Variants in RET observed in about 807,000 individuals in gnomAD.
The protein encoded by RET is ret proto-oncogene.
Under a neutral mutation model 118.3 loss-of-function variants are expected in RET, and 19 were observed. The ratio of observed to expected loss-of-function variants is 0.16; its 90% CI spans 0.11 to 0.24. The LOEUF is 0.24. Among genes scored for constraint, RET ranks in the 10% least tolerant of loss-of-function variants. The pLI is 1.00. For synonymous variants in RET, 597 were observed against 644.1 expected, an observed-to-expected ratio of 0.93 and a Z score of 1.11; for missense variants, 1,219 against 1,502.1, an observed-to-expected ratio of 0.81 and a Z score of 3.12.
chr10:43,124,693 G>A (rs1838291353), intron 17 of RET, among the ~76,000 whole-genome samples, 190 bp from the exon 18 acceptor site: 1 of 152,204 alleles, frequency 6.6e-6, no homozygotes, highest in Admixed American at 6.5e-5. Context: ...CCACGGGCTG[G>A]GATCCTGCAA....
rs1838407240 is a variant in RET at position 43,129,690 on chromosome 10, G to T, written c.*1421G>T. ...CTTAAAATAGTCTCATTCAAATACT[G>T]TATTTTATATAGGCATTTCACAAAA... On this transcript the variant is annotated 3_prime_UTR_variant, in exon 20 of 20. Coordinates refer to ENST00000355710, the MANE Select transcript of RET (RefSeq NM_020975.6). 6.0e-6 allele frequency: 2 copies of T among 335,996 alleles called. No homozygotes were observed. The highest frequency in any genetic ancestry group is 1.1e-5 in the Non-Finnish European group (2 of 187,264). The allele number at this position is 335,996 out of a possible 1,614,324, so 20.8% of individuals were successfully genotyped here.
chr10:43,095,817 C>T (rs1837511378), intron 1 of RET, among the ~76,000 whole-genome samples: 1 of 152,222 alleles, frequency 6.6e-6, no homozygotes, highest in East Asian at 1.9e-4. Flanking sequence ...TGAGCAGCAA[C>T]TTGGGTCTTT....
chr10:43,091,822 C>CAAAA (rs60545334), intron 1 of RET, among the ~76,000 whole-genome samples: 15 of 114,550 alleles, frequency 1.3e-4, no homozygotes, highest in East Asian at 5.2e-4. Context: ...TGTCTACTAT[C>CAAAA]AAAAAAAAAA....
At chr10:43,093,526 A>G (rs1564487036) in intron 1 of RET, among the ~76,000 whole-genome samples, 1 of 152,236 alleles carries the variant, frequency 6.6e-6, no homozygotes, top group Non-Finnish European at 1.5e-5. Context: ...GCACACCAGC[A>G]TAGAGACAGG....
intron 1 of RET, 98 bp from the exon 2 acceptor site, chr10:43,100,361 T>C (rs886310294): frequency 8.6e-6 from 12 of 1,392,176 alleles, no homozygotes; most frequent in Non-Finnish European, 1.2e-5. Flanking sequence ...GAAAAACTCC[T>C]GCTAAGATCG....
At position 43,113,544 on chromosome 10, in the gene RET, G is replaced by A. The variant is rs377767392; in HGVS notation, c.1760-12G>A. ...CGCCCCAGGAGGCTGAGTGGGCTAC[G>A]TCTGCCCTCAGGGGGCAGCATTGTT... On this transcript the variant is annotated splice_polypyrimidine_tract_variant and intron_variant, in intron 9 of 19. Transcript: ENST00000355710. The A allele has an allele frequency of 4.1e-5, 65 of 1,601,640 alleles. No individual in the cohort carries two copies. The highest frequency in any genetic ancestry group is 2.9e-4 in the Admixed American group (17 of 58,446).
chr10:43,102,747 A>C, intron 3 of RET, 118 bp downstream of exon 3: 1 of 1,285,920 alleles, frequency 7.8e-7, no homozygotes, highest in Non-Finnish European at 1.1e-6. Flanking sequence ...AGTTCATTCA[A>C]TATTCCAGAA....
At chr10:43,086,769 T>G (rs973853058) in intron 1 of RET, among the ~76,000 whole-genome samples, 1 of 152,238 alleles carries the variant, frequency 6.6e-6, no homozygotes, top group Non-Finnish European at 1.5e-5. Flanking sequence ...GAAATTGCAG[T>G]TGGGCAGGAG....
At chr10:43,102,837 C>A in intron 3 of RET, 2 of 633,756 alleles carry the variant, frequency 3.2e-6, no homozygotes, top group East Asian at 2.8e-5. Flanking sequence ...GGGTTGGAAT[C>A]TTGCCTGCCT....
chr10:43,078,504 C>A (rs1837102166), intron 1 of RET, among the ~76,000 whole-genome samples: 1 of 152,238 alleles, frequency 6.6e-6, no homozygotes, highest in Non-Finnish European at 1.5e-5. Flanking sequence ...TAGCGAGGGA[C>A]AGGGGAGAAG....
intron 3 of RET, among the ~76,000 whole-genome samples, chr10:43,103,328 G>C (rs1394003665): frequency 6.6e-6 from 1 of 152,202 alleles, no homozygotes; most frequent in Non-Finnish European, 1.5e-5. Flanking sequence ...CAGGGGCGAA[G>C]CTGGGAGACA....
chr10:43,089,471 C>T (rs1000402263), intron 1 of RET, among the ~76,000 whole-genome samples: 4 of 152,344 alleles, frequency 2.6e-5, no homozygotes, highest in Admixed American at 1.3e-4. Context: ...CCAGGATAGC[C>T]GTTCCTTTTG....
chr10:43,093,915 CAG>C (rs1431978097), intron 1 of RET, among the ~76,000 whole-genome samples: 1 of 151,774 alleles, frequency 6.6e-6, no homozygotes, highest in African/African-American at 2.4e-5. Flanking sequence ...GGGTGGGACA[CAG>C]TGGCAGGTGG....
chr10:43,113,089 C>CAAA, intron 9 of RET, 126 bp downstream of exon 9: 1 of 789,850 alleles, frequency 1.3e-6, no homozygotes, highest in Non-Finnish European at 2.2e-6. Flanking sequence ...GCCTCCTGTG[C>CAAA]ATTTCAGCAT....
intron 1 of RET, among the ~76,000 whole-genome samples, chr10:43,085,979 C>A (rs1837280476): frequency 6.6e-6 from 1 of 152,198 alleles, no homozygotes; most frequent in African/African-American, 2.4e-5. Flanking sequence ...CTCTCCACTG[C>A]TCTTAAGAGC....
intron 1 of RET, among the ~76,000 whole-genome samples, chr10:43,096,671 G>A (rs2132630979): frequency 6.6e-6 from 1 of 152,352 alleles, no homozygotes; most frequent in African/African-American, 2.4e-5. Context: ...GCACAGTCCG[G>A]TGGTTCCTGA....
chr10:43,100,021 G>A (rs1837602330), intron 1 of RET, among the ~76,000 whole-genome samples: 1 of 152,206 alleles, frequency 6.6e-6, no homozygotes, highest in South Asian at 2.1e-4. Context: ...TTGGATGAAT[G>A]GAGTGGAATT....
At chr10:43,113,746 C>G (rs1489804181) in intron 10 of RET, 71 bp downstream of exon 10, 19 of 1,593,598 alleles carry the variant, frequency 1.2e-5, no homozygotes, top group Non-Finnish European at 1.5e-5. Context: ...CATCTGAGGT[C>G]CCAACAAGGG....
intron 6 of RET, 46 bp downstream of exon 6, chr10:43,109,276 G>T: frequency 1.9e-6 from 3 of 1,578,322 alleles, no homozygotes; most frequent in Non-Finnish European, 1.7e-6. Flanking sequence ...GAAAGGCCAA[G>T]GGACATGGGG....
Sources: allele counts gnomAD v4.1 joint callset (sites outside exome capture counted in the v4.1 genomes callset), GRCh38; gene constraint gnomAD v4.1.1; transcripts MANE v1.5; gene names NCBI Gene and HGNC (gene_info 2026-07-23, HGNC 2026-07-21).